DLEU7: variants seen among roughly 807,000 people sequenced by gnomAD.
DLEU7 encodes the protein leukemia-associated protein 7.
Under a neutral mutation model 16.0 loss-of-function variants are expected in DLEU7, and 17 were observed. That is an observed-to-expected ratio of 1.06 (90% CI 0.73 to 1.59). The LOEUF (loss-of-function observed/expected upper bound fraction) is 1.59. DLEU7 is among the 40% of genes most tolerant of loss of function. DLEU7 has a pLI of 0.00. For missense variants in DLEU7, 308 were observed against 314.9 expected (o/e 0.98, Z 0.17); for synonymous variants, 113 against 139.8 (o/e 0.81, Z 1.35).
chr13:50,774,349 C>T lies in DLEU7; in HGVS notation c.460-61109G>A, dbSNP rs563862846. Among the ~76,000 whole-genome samples the T allele has an allele frequency of 2.2e-3, 335 of 152,256 alleles. 1 individual carries two copies. The highest frequency in any genetic ancestry group is 7.8e-3 in the African/African-American group (326 of 41,552). ...TGCAGAAATCACCCATCTTCTTCAT[C>T]GATCACGCTGGGAGCTACAGACCGG... On this transcript the variant is annotated intron_variant, in intron 1 of 1. Coordinates refer to the DLEU7 transcript ENST00000400393.
chr13:50,803,805 G>A (rs1303418328), intron 1 of DLEU7, among the ~76,000 whole-genome samples: 2 of 152,032 alleles, frequency 1.3e-5, no homozygotes, highest in Non-Finnish European at 2.9e-5. Context: ...TCCATTGACA[G>A]TGCTAGTCTA....
At chr13:50,745,233 T>A (rs1874360638) in intron 1 of DLEU7, among the ~76,000 whole-genome samples, 1 of 152,202 alleles carries the variant, frequency 6.6e-6, no homozygotes, top group Non-Finnish European at 1.5e-5. Context: ...TATTCAGCCT[T>A]AAGAAAGAAG....
intron 1 of DLEU7, among the ~76,000 whole-genome samples, chr13:50,815,440 C>T (rs944391133): frequency 6.6e-6 from 1 of 152,144 alleles, no homozygotes; most frequent in Admixed American, 6.6e-5. Context: ...AAAAATTACA[C>T]ACACATATAC....
intron 1 of DLEU7, among the ~76,000 whole-genome samples, chr13:50,816,769 G>A (rs1197125403): frequency 6.6e-6 from 1 of 152,074 alleles, no homozygotes; most frequent in Non-Finnish European, 1.5e-5. Flanking sequence ...CTTTAAGGTG[G>A]GTCTGTGGAT....
intron 1 of DLEU7, among the ~76,000 whole-genome samples, chr13:50,771,730 T>A (rs912883456): frequency 2.0e-5 from 3 of 152,216 alleles, no homozygotes; most frequent in Non-Finnish European, 2.9e-5. Flanking sequence ...CTGAGAAGAA[T>A]GTATATTCTG....
At chr13:50,762,402 T>C (rs1401188603) in intron 1 of DLEU7, among the ~76,000 whole-genome samples, 1 of 152,086 alleles carries the variant, frequency 6.6e-6, no homozygotes, top group East Asian at 1.9e-4. Flanking sequence ...TACAGACTTA[T>C]CATTCTCAGA....
rs566879446 is a variant in DLEU7 at position 50,726,238 on chromosome 13, A to G, written c.460-12998T>C. 2.6e-5 allele frequency among the ~76,000 whole-genome samples: 4 copies of G among 152,284 alleles called. No homozygotes were observed. In the South Asian group the frequency reaches 8.3e-4, roughly 32 times the overall value. ...ATCCCCAGCCAGGCCTCTCCACCTC[A>G]GCACTTTGTTGATTTGCCTCCTTTG... is the stretch of plus-strand genomic sequence containing the variant. On this transcript the variant is annotated intron_variant, in intron 1 of 1. Transcript: ENST00000400393. This position sits in a 1 kb window ranked among gnomAD's most constrained non-coding sequence, Gnocchi z 4.0.
At chr13:50,750,415 C>T (rs143139090) in intron 1 of DLEU7, among the ~76,000 whole-genome samples, 61 of 152,068 alleles carry the variant, frequency 4.0e-4, no homozygotes, top group Admixed American at 1.2e-3. Context: ...TTTGGCTATG[C>T]GGGCTCTTTT....
intron 1 of DLEU7, among the ~76,000 whole-genome samples, chr13:50,741,633 C>T (rs1323006484): frequency 6.6e-6 from 1 of 152,168 alleles, no homozygotes; most frequent in Non-Finnish European, 1.5e-5. Flanking sequence ...AAGACCGTAT[C>T]TCATATTTTA....
At chr13:50,829,860 T>C (rs75312825) in intron 1 of DLEU7, among the ~76,000 whole-genome samples, 2,699 of 152,306 alleles carry the variant, frequency 0.018, 78 homozygotes, top group African/African-American at 0.062. Flanking sequence ...TCGACCAAAC[T>C]TCTGCTGAGT....
chr13:50,767,316 C>T (rs1456472366), intron 1 of DLEU7, among the ~76,000 whole-genome samples: 1 of 152,016 alleles, frequency 6.6e-6, no homozygotes, highest in Non-Finnish European at 1.5e-5. Context: ...ATTAGCCGGG[C>T]GTGGTGGCGG....
chr13:50,717,907 C>T lies in DLEU7; in HGVS notation c.460-4667G>A, dbSNP rs1175835900. On this transcript the variant is annotated intron_variant, in intron 1 of 1. Transcript: ENST00000400393. ...GAACAAAAACTCAAACTATCACATG[C>T]AGAAATCACCACCAATGCCAAGACA... Among the ~76,000 whole-genome samples, 4 of 152,072 alleles carry T rather than the reference C, an allele frequency of 2.6e-5. No individual in the cohort carries two copies. In the East Asian group the frequency reaches 7.7e-4, roughly 29 times the overall value.
chr13:50,843,523 C>T lies in DLEU7; in HGVS notation c.124G>A (p.Asp42Asn), dbSNP rs1381204846. The T allele has an allele frequency of 7.0e-7, 1 of 1,429,582 alleles. No individual in the cohort carries two copies. Among genetic ancestry groups the T allele is most frequent in the South Asian group, 1.4e-5 (1 of 70,240 alleles). The allele number at this position is 1,429,582 out of a possible 1,614,324, so 88.6% of individuals were successfully genotyped here. A position where few individuals can be genotyped will look rare whatever the true frequency, so the allele number is the denominator to read the frequency against. The change falls in exon 1 of 2, where the codon GAC becomes AAC. Residue 42 changes from aspartate (D) to asparagine (N), a missense_variant. Coordinates refer to ENST00000504404, the MANE Select transcript of DLEU7 (RefSeq NM_001306135.2). The surrounding 1 kb of genome is among the most constrained non-coding windows in gnomAD (Gnocchi z 5.7). ...DGPVAPGNPRDPDHVSTAPAR... is the reference protein window; with the variant it reads ...DGPVAPGNPRNPDHVSTAPAR... ...GGAGCGGTGGACACGTGGTCTGGGT[C>T]CCGCGGGTTCCCGGGGGCGACTGGA...
At chr13:50,715,762 C>T (rs1405514752) in intron 1 of DLEU7, among the ~76,000 whole-genome samples, 2 of 152,224 alleles carry the variant, frequency 1.3e-5, no homozygotes, top group Admixed American at 6.5e-5. Context: ...AGAAAATCAT[C>T]GGCCTTCAGA....
In DLEU7 at chr13:50,795,707, G is replaced by A. The variant is rs148572744; in HGVS notation, c.459+47481C>T. ...TTAAATTTATCAATTAACAGTAAAC[G>A]TTATTTAATATTATTTTTATCAGCA... On this transcript the variant is annotated intron_variant, in intron 1 of 1. Transcript: ENST00000400393. 4.6e-3 allele frequency among the ~76,000 whole-genome samples: 705 copies of A among 152,132 alleles called. 6 individuals are homozygous for A. The highest frequency in any genetic ancestry group is 0.016 in the African/African-American group (671 of 41,496).
At chr13:50,802,172 T>C (rs1356290958) in intron 1 of DLEU7, among the ~76,000 whole-genome samples, 1 of 150,192 alleles carries the variant, frequency 6.7e-6, no homozygotes, top group Non-Finnish European at 1.5e-5. Context: ...AGTTTAGTTT[T>C]CTGGGAACAG....
downstream of DLEU7, among the ~76,000 whole-genome samples, chr13:50,820,656 A>G (rs978712988): frequency 6.6e-6 from 1 of 152,132 alleles, no homozygotes. Context: ...GTAAAGTTTG[A>G]AAAGGTGTGG....
chr13:50,768,500 G>T (rs1357270247), intron 1 of DLEU7, among the ~76,000 whole-genome samples: 6 of 143,262 alleles, frequency 4.2e-5, no homozygotes, highest in Non-Finnish European at 7.5e-5. Context: ...TGTTCTCATT[G>T]TTCAATTCCC....
downstream of DLEU7, among the ~76,000 whole-genome samples, chr13:50,820,918 CT>C (rs149532243): frequency 5.3e-5 from 8 of 151,222 alleles, no homozygotes; most frequent in Non-Finnish European, 1.2e-4. Flanking sequence ...ATTTTAGATT[CT>C]TTTTTTTTAG....
Sources: allele counts gnomAD v4.1 joint callset (sites outside exome capture counted in the v4.1 genomes callset), GRCh38; gene constraint gnomAD v4.1.1; non-coding constraint Gnocchi (gnomAD v3.1); transcripts MANE v1.5; gene names NCBI Gene and HGNC (gene_info 2026-07-23, HGNC 2026-07-21).